The following NAALADL2 variants were observed in gnomAD, a reference collection of about 807,000 sequenced individuals.
NAALADL2 encodes N-acetylated alpha-linked acidic dipeptidase like 2.
Under a neutral mutation model 87.2 loss-of-function variants are expected in NAALADL2, and 76 were observed. That is an observed-to-expected ratio of 0.87 (90% CI 0.72 to 1.05). The LOEUF (loss-of-function observed/expected upper bound fraction) is 1.05. Ranked by LOEUF, NAALADL2 falls within the 50% of genes least tolerant of loss-of-function variation. NAALADL2 has a pLI of 0.00. For missense variants in NAALADL2, 1,089 were observed against 945.8 expected, an observed-to-expected ratio of 1.15 and a Z score of -1.99; for synonymous variants, 354 against 331.0, an observed-to-expected ratio of 1.07 and a Z score of -0.75.
chr3:175,684,625 C>T (rs950115321), intron 11 of NAALADL2, among the ~76,000 whole-genome samples: 6 of 152,038 alleles, frequency 3.9e-5, no homozygotes, highest in Admixed American at 1.3e-4. Flanking sequence ...GAGACCCCAT[C>T]TCTACTAAAC....
At chr3:174,543,552 C>A (rs28470192) in intron 1 of NAALADL2, among the ~76,000 whole-genome samples, 43,784 of 151,772 alleles carry the variant, frequency 0.29, 7,036 homozygotes, top group African/African-American at 0.43. Context: ...CTTTTCCTTT[C>A]TTCTTTCCCT....
In NAALADL2 at chr3:175,471,682, G is replaced by A; in HGVS notation, c.1577G>A (p.Ser526Asn). 3 of 1,571,732 alleles carry A rather than the reference G, an allele frequency of 1.9e-6. No homozygotes were observed. Among genetic ancestry groups the A allele is most frequent in the Non-Finnish European group, 2.6e-6 (3 of 1,144,748 alleles). The change falls in exon 9 of 14, where the codon AGC becomes AAC. Residue 526 changes from serine (S) to asparagine (N), a missense_variant. By Grantham distance (46) the Ser-to-Asn change is conservative. Transcript: ENST00000454872. ...VLQKNVVAYISLHSPIRGNSS... is the reference protein window; with the variant it reads ...VLQKNVVAYINLHSPIRGNSS... ...CAGAAAAATGTTGTGGCTTATATTAGCCTCCACAGTCCCATAAGGGGGAAC... is the reference window on the plus strand; with the variant it reads ...CAGAAAAATGTTGTGGCTTATATTAACCTCCACAGTCCCATAAGGGGGAAC...
intron 2 of NAALADL2, among the ~76,000 whole-genome samples, chr3:174,595,704 C>T (rs551669214): frequency 6.6e-6 from 1 of 152,264 alleles, no homozygotes; most frequent in East Asian, 1.9e-4. Flanking sequence ...CAAGTCTCTC[C>T]TATCTTAAGA....
intron 5 of NAALADL2, among the ~76,000 whole-genome samples, chr3:175,346,576 A>G (rs1187624061): frequency 1.3e-5 from 2 of 151,634 alleles, no homozygotes; most frequent in African/African-American, 2.4e-5. Context: ...TGGGGTCAAC[A>G]TTATGTTTAT....
intron 4 of NAALADL2, among the ~76,000 whole-genome samples, chr3:175,284,640 G>T (rs1415396499): frequency 6.6e-6 from 1 of 152,046 alleles, no homozygotes; most frequent in East Asian, 1.9e-4. Context: ...TGAAGAATCA[G>T]ATTATTCCAT....
At chr3:174,622,735 T>G (rs891234811) in intron 2 of NAALADL2, among the ~76,000 whole-genome samples, 4 of 152,182 alleles carry the variant, frequency 2.6e-5, no homozygotes, top group Non-Finnish European at 5.9e-5. Context: ...TAAGTTTATG[T>G]CATTCATTTA....
rs145209691 is a variant in NAALADL2, at chr3:174,797,415, G to A, written c.-9+59669G>A. Among the ~76,000 whole-genome samples the A allele has an allele frequency of 2.5e-3, 362 of 144,244 alleles. 2 individuals are homozygous for A. The highest frequency in any genetic ancestry group is 9.0e-3 in the African/African-American group (348 of 38,764). 94.6% of individuals were successfully genotyped at this position (144,244 alleles called of 152,430 possible). A position where few individuals can be genotyped will look rare whatever the true frequency, so the allele number is the denominator to read the frequency against. On this transcript the variant is annotated intron_variant, in intron 3 of 3. Coordinates refer to the NAALADL2 transcript ENST00000434257. Reference sequence around the variant, plus strand: ...CAACTTCTGCCTCCCGGGTTCAAGCGATTCTCCTGTCTCAGCCTCCAGAGT... The same window carrying A: ...CAACTTCTGCCTCCCGGGTTCAAGCAATTCTCCTGTCTCAGCCTCCAGAGT...
intron 10 of NAALADL2, among the ~76,000 whole-genome samples, chr3:175,578,089 T>C (rs958056125): frequency 6.6e-6 from 1 of 150,710 alleles, no homozygotes; most frequent in Non-Finnish European, 1.5e-5. Context: ...GTTACATTGG[T>C]TTCTGGGCTT....
chr3:175,477,779 A>C (rs1725911204), intron 9 of NAALADL2, among the ~76,000 whole-genome samples: 1 of 147,070 alleles, frequency 6.8e-6, no homozygotes, highest in African/African-American at 2.4e-5. Flanking sequence ...TTACTGCCTC[A>C]ATAGAGCCAT....
intron 1 of NAALADL2, among the ~76,000 whole-genome samples, chr3:174,919,562 G>C (rs1429553741): frequency 1.3e-5 from 2 of 152,032 alleles, no homozygotes; most frequent in Non-Finnish European, 2.9e-5. Context: ...TAGTTTTCTT[G>C]CTGCTTCCAC....
At chr3:174,840,141 T>C (rs886963444) in intron 3 of NAALADL2, among the ~76,000 whole-genome samples, 1 of 151,432 alleles carries the variant, frequency 6.6e-6, no homozygotes, top group Non-Finnish European at 1.5e-5. Flanking sequence ...GAAACTGTGA[T>C]ATATATATAT....
At chr3:174,508,150 G>A (rs1367381921) in intron 1 of NAALADL2, among the ~76,000 whole-genome samples, 5 of 103,154 alleles carry the variant, frequency 4.8e-5, no homozygotes, top group Non-Finnish European at 9.5e-5. Context: ...GTCTTGCTCT[G>A]TTGCCCAGGC....
At position 174,707,891 on chromosome 3, in the gene NAALADL2, T is replaced by C. The variant is rs532094717; in HGVS notation, c.-114-29750T>C. Among the ~76,000 whole-genome samples, 25 of 152,152 alleles carry C rather than the reference T, an allele frequency of 1.6e-4. No individual in the cohort carries two copies. The East Asian group carries it at 4.4e-3, about 27-fold the overall frequency. ...GGAAAATATTTGCACATCATGTATCTGGTAAGGGAATATGAAAAAGTATGT... is the reference window on the plus strand; with the variant it reads ...GGAAAATATTTGCACATCATGTATCCGGTAAGGGAATATGAAAAAGTATGT... On this transcript the variant is annotated intron_variant, in intron 2 of 3. Transcript: ENST00000434257.
At chr3:174,605,824 C>T (rs534357653) in intron 2 of NAALADL2, among the ~76,000 whole-genome samples, 1 of 152,052 alleles carries the variant, frequency 6.6e-6, no homozygotes, top group East Asian at 1.9e-4. Context: ...AATGGTTCTC[C>T]CAGCATGCAG....
At chr3:174,866,050 C>T (rs958485573) in intron 1 of NAALADL2, among the ~76,000 whole-genome samples, 3 of 151,826 alleles carry the variant, frequency 2.0e-5, no homozygotes, top group Admixed American at 2.0e-4. Flanking sequence ...TGCTTTCAAG[C>T]CTCCTAGCAG....
intron 11 of NAALADL2, among the ~76,000 whole-genome samples, chr3:175,673,824 A>G (rs999062552): frequency 1.3e-5 from 2 of 152,134 alleles, no homozygotes; most frequent in African/African-American, 4.8e-5. Context: ...CTTCCCAACT[A>G]TTATTAATAT....
At chr3:174,606,571 C>T (rs928960330) in intron 2 of NAALADL2, among the ~76,000 whole-genome samples, 1 of 151,910 alleles carries the variant, frequency 6.6e-6, no homozygotes, top group African/African-American at 2.4e-5. Flanking sequence ...AGGGTATCAG[C>T]AATGGAAGAT....
intron 1 of NAALADL2, among the ~76,000 whole-genome samples, chr3:174,982,150 T>C (rs1186850358): frequency 6.6e-6 from 1 of 152,100 alleles, no homozygotes; most frequent in East Asian, 1.9e-4. Context: ...ATCAGTTCCA[T>C]GGGGGACAAA....
intron 3 of NAALADL2, among the ~76,000 whole-genome samples, chr3:174,819,814 C>T (rs115791428): frequency 7.0e-4 from 107 of 152,252 alleles, no homozygotes; most frequent in African/African-American, 1.1e-3. Context: ...ATAAAGCTTA[C>T]GCTTCAAGAC....
Sources: allele counts gnomAD v4.1 joint callset (sites outside exome capture counted in the v4.1 genomes callset), GRCh38; gene constraint gnomAD v4.1.1; transcripts MANE v1.5; gene names NCBI Gene and HGNC (gene_info 2026-07-23, HGNC 2026-07-21).